Variants in KLHL3 observed in about 807,000 individuals in gnomAD.
KLHL3 encodes the protein kelch-like protein 3.
In KLHL3, 19 loss-of-function variants were observed where a neutral mutation model predicts 70.5. The observed-to-expected ratio is 0.27, with a 90% CI of 0.19 to 0.40. The LOEUF (loss-of-function observed/expected upper bound fraction) is 0.40, where lower values mean the gene tolerates loss of function less well. KLHL3 is among the 10% of genes least tolerant of loss of function. The probability of loss-of-function intolerance (pLI) is 1.00; values close to 1 mark genes in which losing one functional copy is unlikely to be tolerated. For missense variants in KLHL3, 512 were observed against 771.1 expected, an observed-to-expected ratio of 0.66 and a Z score of 3.98; for synonymous variants, 258 against 290.3, an observed-to-expected ratio of 0.89 and a Z score of 1.13.
chr5:137,680,421 A>G (rs1169750526), intron 5 of KLHL3, among the ~76,000 whole-genome samples: 1 of 152,238 alleles, frequency 6.6e-6, no homozygotes, highest in Non-Finnish European at 1.5e-5. Context: ...TTTGCAGCCC[A>G]AAGATAATAA....
intron 2 of KLHL3, among the ~76,000 whole-genome samples, chr5:137,718,458 A>G (rs1752937760): frequency 6.6e-6 from 1 of 152,210 alleles, no homozygotes; most frequent in South Asian, 2.1e-4. Context: ...TGACTGGGAC[A>G]TTGCACTCCA....
intron 8 of KLHL3, among the ~76,000 whole-genome samples, chr5:137,648,651 C>T (rs1751116639): frequency 1.3e-5 from 2 of 152,204 alleles, no homozygotes; most frequent in African/African-American, 2.4e-5. Context: ...TGTCAGTATG[C>T]TCTGTGCATA....
chr5:137,677,805 A>G (rs760087835), intron 5 of KLHL3, 151 bp from the exon 6 acceptor site: 5 of 495,136 alleles, frequency 1.0e-5, no homozygotes, highest in Non-Finnish European at 1.8e-5. Flanking sequence ...CAGAGACATC[A>G]TGGCTGGAGG....
At chr5:137,707,429 T>C (rs1262636321) in intron 3 of KLHL3, 1 of 151,326 alleles carries the variant, frequency 6.6e-6, no homozygotes, top group Non-Finnish European at 1.5e-5. Context: ...CGAGACTCTG[T>C]CTCAAAAAAA....
intron 6 of KLHL3, among the ~76,000 whole-genome samples, chr5:137,670,464 A>G (rs1025234524): frequency 9.2e-5 from 14 of 151,640 alleles, no homozygotes; most frequent in Non-Finnish European, 1.9e-4. Flanking sequence ...AGGATACTAG[A>G]TGCAGGAGAT....
chr5:137,648,509 G>A (rs1751112209), intron 8 of KLHL3, among the ~76,000 whole-genome samples: 1 of 152,226 alleles, frequency 6.6e-6, no homozygotes, highest in Non-Finnish European at 1.5e-5. Flanking sequence ...TGTGGAACAG[G>A]GTAACGTAGG....
chr5:137,681,022 T>C (rs190819372), intron 5 of KLHL3, among the ~76,000 whole-genome samples: 147 of 151,660 alleles, frequency 9.7e-4, no homozygotes, highest in African/African-American at 9.7e-4. Flanking sequence ...AAAAAAAAAA[T>C]GTTAAGACAT....
intron 8 of KLHL3, among the ~76,000 whole-genome samples, chr5:137,645,369 A>G (rs1166140472): frequency 6.6e-6 from 1 of 152,162 alleles, no homozygotes; most frequent in Non-Finnish European, 1.5e-5. Flanking sequence ...GAGAAAGTCA[A>G]ACTGCTTGCA....
chr5:137,620,479 T>C lies in KLHL3; in HGVS notation c.*1619A>G, dbSNP rs141769443. ...AAGTCCAACATCAGGATTTATAAAG[T>C]TCCTTGGCTTCCTGTAGGTGGATTC... On this transcript the variant is annotated 3_prime_UTR_variant, in exon 15 of 15. Coordinates refer to ENST00000309755, the MANE Select transcript of KLHL3 (RefSeq NM_017415.3). 6.6e-6 allele frequency: 1 copy of C among 152,314 alleles called. No homozygotes were observed. Among genetic ancestry groups the C allele is most frequent in the Admixed American group, 6.5e-5 (1 of 15,300 alleles). 9.4% of individuals were successfully genotyped at this position (152,314 alleles called of 1,614,324 possible).
At position 137,621,719 on chromosome 5, in the gene KLHL3, T is replaced by C. The variant is rs1055937373; in HGVS notation, c.*379A>G. 4.4e-6 allele frequency: 1 copy of C among 229,580 alleles called. No homozygotes were observed. Among genetic ancestry groups the C allele is most frequent in the African/African-American group, 2.3e-5 (1 of 44,444 alleles). 14.2% of individuals were successfully genotyped at this position (229,580 alleles called of 1,614,324 possible). On this transcript the variant is annotated 3_prime_UTR_variant, in exon 15 of 15. Coordinates refer to ENST00000309755, the MANE Select transcript of KLHL3 (RefSeq NM_017415.3). ...AAGGATCAGTAGTAAAGAAATCCAG[T>C]AGACTGTCACACACGCTCACCCCCC... is the stretch of plus-strand genomic sequence containing the variant.
intron 10 of KLHL3, 57 bp from the exon 11 acceptor site, chr5:137,637,452 G>T: frequency 6.8e-7 from 1 of 1,475,578 alleles, no homozygotes; most frequent in South Asian, 1.1e-5. Context: ...CCTGCTGTGT[G>T]AGAAGCAGTG....
At chr5:137,637,193 G>GA (rs377740079) in intron 11 of KLHL3, 101 bp downstream of exon 11, 279 of 929,010 alleles carry the variant, frequency 3.0e-4, no homozygotes, top group Middle Eastern at 5.3e-4. Context: ...GTGATCTCAG[G>GA]AAAAAAAACA....
chr5:137,705,008 C>T (rs1561614203), intron 3 of KLHL3, among the ~76,000 whole-genome samples: 1 of 152,192 alleles, frequency 6.6e-6, no homozygotes, highest in African/African-American at 2.4e-5. Flanking sequence ...ACCGCCATCC[C>T]TTTTTCTCTG....
chr5:137,628,063 C>T, intron 13 of KLHL3: 1 of 542,146 alleles, frequency 1.8e-6, no homozygotes, highest in South Asian at 2.1e-5. Context: ...CATCACCCTT[C>T]ACTGCGGGGA....
chr5:137,654,348 C>T (rs1217080672), intron 8 of KLHL3, among the ~76,000 whole-genome samples: 1 of 152,196 alleles, frequency 6.6e-6, no homozygotes, highest in Non-Finnish European at 1.5e-5. Flanking sequence ...AAAGGAAAAG[C>T]ATGGACTTTG....
At chr5:137,655,707 G>A (rs1751322429) in intron 8 of KLHL3, among the ~76,000 whole-genome samples, 1 of 152,156 alleles carries the variant, frequency 6.6e-6, no homozygotes, top group African/African-American at 2.4e-5. Context: ...AATAAGGCCA[G>A]GCACAGTGGC....
At chr5:137,674,096 C>T (rs747139424) in intron 6 of KLHL3, among the ~76,000 whole-genome samples, 2 of 152,186 alleles carry the variant, frequency 1.3e-5, no homozygotes, top group Non-Finnish European at 2.9e-5. Flanking sequence ...GTAATGAACA[C>T]TTCTTATATT....
At chr5:137,649,043 G>A (rs535129255) in intron 8 of KLHL3, among the ~76,000 whole-genome samples, 25 of 152,256 alleles carry the variant, frequency 1.6e-4, no homozygotes, top group South Asian at 6.2e-4. Flanking sequence ...CACAGCATTC[G>A]GCTATAATGC....
rs1339638732 is a variant in KLHL3 at position 137,620,289 on chromosome 5, G to C, written c.*1809C>G. 6.6e-6 allele frequency: 1 copy of C among 152,200 alleles called. No individual in the cohort carries two copies. Among genetic ancestry groups the C allele is most frequent in the East Asian group, 1.9e-4 (1 of 5,204 alleles). 9.4% of individuals were successfully genotyped at this position (152,200 alleles called of 1,614,324 possible). On this transcript the variant is annotated 3_prime_UTR_variant, in exon 15 of 15. Coordinates refer to ENST00000309755, the MANE Select transcript of KLHL3 (RefSeq NM_017415.3). ...AGTAACATGTGCTTAACATCAGAAA[G>C]AGAAGTTTTGTCTTTAGGAGAGTTG...
Sources: allele counts gnomAD v4.1 joint callset (sites outside exome capture counted in the v4.1 genomes callset), GRCh38; gene constraint gnomAD v4.1.1; transcripts MANE v1.5; gene names NCBI Gene and HGNC (gene_info 2026-07-23, HGNC 2026-07-21).